RPH3A: variants seen among roughly 807,000 people sequenced by gnomAD.
The protein encoded by RPH3A is rabphilin 3A, also known as rabphilin-3A.
In RPH3A, 48 loss-of-function variants were observed where a neutral mutation model predicts 102.2. The ratio of observed to expected loss-of-function variants is 0.47; its 90% confidence interval spans 0.37 to 0.60. RPH3A has a LOEUF of 0.60. Among genes scored for constraint, RPH3A ranks in the 20% least tolerant of loss-of-function variants. RPH3A has a pLI of 0.00. For missense variants in RPH3A, 781 were observed against 910.1 expected (o/e 0.86, Z 1.83); for synonymous variants, 310 against 324.3 (o/e 0.96, Z 0.47).
At chr12:112,756,032 G>A (rs1240575969) in intron 1 of RPH3A, among the ~76,000 whole-genome samples, 1 of 152,092 alleles carries the variant, frequency 6.6e-6, no homozygotes, top group Non-Finnish European at 1.5e-5. Flanking sequence ...TAAGTGCGAA[G>A]AAATATGGGG....
At chr12:112,686,156 A>G (rs1272516470) in intron 1 of RPH3A, among the ~76,000 whole-genome samples, 8 of 152,054 alleles carry the variant, frequency 5.3e-5, no homozygotes, top group Non-Finnish European at 7.4e-5. Context: ...ATATTTCCTA[A>G]TTCATTCCCT....
intron 1 of RPH3A, among the ~76,000 whole-genome samples, chr12:112,664,520 T>C (rs1404717307): frequency 6.6e-6 from 1 of 152,164 alleles, no homozygotes; most frequent in Non-Finnish European, 1.5e-5. Flanking sequence ...ACAAATCTCC[T>C]ATATATAGTT....
intron 1 of RPH3A, among the ~76,000 whole-genome samples, chr12:112,629,659 T>C (rs2039790433): frequency 6.6e-6 from 1 of 151,842 alleles, no homozygotes; most frequent in South Asian, 2.1e-4. Context: ...AAATTTTTTG[T>C]AGGGACAAAG....
chr12:112,851,802 A>G (rs2042327869), intron 5 of RPH3A, among the ~76,000 whole-genome samples: 1 of 152,082 alleles, frequency 6.6e-6, no homozygotes, highest in African/African-American at 2.4e-5. Flanking sequence ...TTGCCCCCAC[A>G]TTTCTTATAT....
rs1565857033 is a variant in RPH3A, at chr12:112,712,982, TCGTCGTCTTTG to T, written c.-139-79160_-139-79150del. 6.3e-5 allele frequency among the ~76,000 whole-genome samples: 7 copies of T among 111,426 alleles called. 1 individual carries two copies. Among genetic ancestry groups the T allele is most frequent in the South Asian group, 3.8e-4 (1 of 2,650 alleles). The allele number at this position is 111,426 out of a possible 152,430, so 73.1% of individuals were successfully genotyped here. ...CTTCTTCTTTCTTCTTCTTTCTTCTTCGTCGTCTTTGTCTTCCTCTTCCTCTTCCTCTTCCT... is the reference window on the plus strand; with the variant it reads ...CTTCTTCTTTCTTCTTCTTTCTTCTTTCTTCCTCTTCCTCTTCCTCTTCCT... On this transcript the variant is annotated intron_variant, in intron 1 of 21. Coordinates refer to the RPH3A transcript ENST00000543106.
At chr12:112,583,979 CT>C (rs1410226472) in intron 1 of RPH3A, among the ~76,000 whole-genome samples, 1 of 152,118 alleles carries the variant, frequency 6.6e-6, no homozygotes, top group African/African-American at 2.4e-5. Context: ...GAGCGAGACC[CT>C]GTCTCAAAAA....
At chr12:112,818,173 G>A (rs191440455) in intron 2 of RPH3A, among the ~76,000 whole-genome samples, 169 of 152,042 alleles carry the variant, frequency 1.1e-3, no homozygotes, top group African/African-American at 3.8e-3. Flanking sequence ...AGTGGTGAGC[G>A]CCTGTAGTCC....
At chr12:112,877,627 A>T (rs182794635) in intron 13 of RPH3A, among the ~76,000 whole-genome samples, 78 of 152,314 alleles carry the variant, frequency 5.1e-4, no homozygotes, top group Admixed American at 1.2e-3. Flanking sequence ...GGAAAAGATC[A>T]AGGGCTGTGA....
chr12:112,898,830 A>T lies in RPH3A; in HGVS notation c.*2050A>T, dbSNP rs1277123199. The T allele has an allele frequency of 6.6e-6, 1 of 152,296 alleles. No homozygotes were observed. The highest frequency in any genetic ancestry group is 2.4e-5 in the African/African-American group (1 of 41,472). 9.4% of individuals were successfully genotyped at this position (152,296 alleles called of 1,614,324 possible). On this transcript the variant is annotated 3_prime_UTR_variant, in exon 22 of 22. Coordinates refer to ENST00000389385, the MANE Select transcript of RPH3A (RefSeq NM_001143854.2). ...TCCGGTGCATGCACAACCACCCAGC[A>T]TCTTTCTTTGTGATGATGTAGCCAA...
At chr12:112,878,100 G>A (rs771992300) in intron 13 of RPH3A, among the ~76,000 whole-genome samples, 15 of 152,164 alleles carry the variant, frequency 9.9e-5, no homozygotes, top group Non-Finnish European at 1.9e-4. Context: ...GTCCCCCTTC[G>A]TGCCCTGTGC....
chr12:112,882,395 A>G (rs529674631), intron 15 of RPH3A, among the ~76,000 whole-genome samples: 1 of 152,156 alleles, frequency 6.6e-6, no homozygotes, highest in South Asian at 2.1e-4. Flanking sequence ...TGGAAATGGA[A>G]GTGTGCCTGC....
At chr12:112,784,739 G>A (rs2041032644) in intron 1 of RPH3A, among the ~76,000 whole-genome samples, 1 of 152,226 alleles carries the variant, frequency 6.6e-6, no homozygotes, top group African/African-American at 2.4e-5. Context: ...AGGTTCTGTT[G>A]TAGGAGTTCA....
intron 1 of RPH3A, among the ~76,000 whole-genome samples, chr12:112,699,045 C>T (rs570787611): frequency 7.8e-4 from 118 of 152,084 alleles, no homozygotes; most frequent in African/African-American, 2.5e-3. Flanking sequence ...CTCAGCCTAC[C>T]AGGTAGCTGG....
At chr12:112,756,139 T>C (rs2040821545) in intron 1 of RPH3A, among the ~76,000 whole-genome samples, 1 of 151,978 alleles carries the variant, frequency 6.6e-6, no homozygotes. Context: ...ATGTTTGAGG[T>C]GAGGAATATG....
At chr12:112,745,753 G>A (rs78772862) in intron 1 of RPH3A, among the ~76,000 whole-genome samples, 2,817 of 152,284 alleles carry the variant, frequency 0.018, 36 homozygotes, top group Non-Finnish European at 0.028. Flanking sequence ...GGAGAGGAGT[G>A]AGTGGGGAGT....
chr12:112,861,296 G>A (rs2042508821), intron 5 of RPH3A, among the ~76,000 whole-genome samples: 1 of 152,230 alleles, frequency 6.6e-6, no homozygotes, highest in Admixed American at 6.5e-5. Context: ...ACCGCATGTT[G>A]AGGGTTCTTT....
At chr12:112,814,164 A>T (rs1036535923) in intron 2 of RPH3A, among the ~76,000 whole-genome samples, 1 of 151,698 alleles carries the variant, frequency 6.6e-6, no homozygotes, top group African/African-American at 2.4e-5. Context: ...GCAAGGTGAG[A>T]AGATAAGAAG....
At chr12:112,579,840 C>T (rs1204417783) in intron 1 of RPH3A, among the ~76,000 whole-genome samples, 2 of 152,174 alleles carry the variant, frequency 1.3e-5, no homozygotes, top group Non-Finnish European at 2.9e-5. Flanking sequence ...AGCCATCCTC[C>T]TGCCTCAGCC....
intron 7 of RPH3A, 111 bp downstream of exon 7, chr12:112,866,951 C>T: frequency 4.1e-6 from 3 of 740,654 alleles, no homozygotes; most frequent in South Asian, 1.6e-5. Context: ...TGAACATTGA[C>T]AGAACAACCT....
Sources: allele counts gnomAD v4.1 joint callset (sites outside exome capture counted in the v4.1 genomes callset), GRCh38; gene constraint gnomAD v4.1.1; transcripts MANE v1.5; gene names NCBI Gene and HGNC (gene_info 2026-07-23, HGNC 2026-07-21).